Variants in PLD5 observed in about 807,000 individuals in gnomAD.
PLD5 encodes inactive phospholipase D5.
A neutral mutation model predicts 61.1 loss-of-function variants in PLD5; 36 were observed. The ratio of observed to expected loss-of-function variants is 0.59; its 90% confidence interval spans 0.45 to 0.78. The LOEUF (loss-of-function observed/expected upper bound fraction) is 0.78. Ranked by LOEUF, PLD5 falls within the 30% of genes least tolerant of loss-of-function variation. The probability of loss-of-function intolerance (pLI) is 0.00; values close to 1 mark genes in which losing one functional copy is unlikely to be tolerated. For synonymous variants in PLD5, 243 were observed against 242.8 expected, an observed-to-expected ratio of 1.00 and a Z score of -0.01; for missense variants, 515 against 644.4, an observed-to-expected ratio of 0.80 and a Z score of 2.17.
At chr1:242,449,777 C>T (rs572636023) in intron 1 of PLD5, among the ~76,000 whole-genome samples, 1 of 152,314 alleles carries the variant, frequency 6.6e-6, no homozygotes, top group African/African-American at 2.4e-5. Context: ...GGTGTCCACA[C>T]ACCTCCAACC....
At chr1:242,319,867 T>C (rs2149185223) in intron 2 of PLD5, among the ~76,000 whole-genome samples, 1 of 152,384 alleles carries the variant, frequency 6.6e-6, no homozygotes, top group African/African-American at 2.4e-5. Context: ...AAATGTAGAT[T>C]CAGAGAATGC....
intron 1 of PLD5, among the ~76,000 whole-genome samples, chr1:242,506,343 C>A (rs950248609): frequency 6.6e-6 from 1 of 152,188 alleles, no homozygotes; most frequent in African/African-American, 2.4e-5. Context: ...GATACTCTCA[C>A]TTTACTAAGG....
rs868810888 is a variant in PLD5, at chr1:242,438,872, A to C, written c.189+85216T>G. ...TCCTACTTTCAGAGTTTAACCAACA[A>C]TCCCTGTTTAGGAGTCAAAACCTAT... On this transcript the variant is annotated intron_variant, in intron 1 of 9. Transcript: ENST00000536534. Among the ~76,000 whole-genome samples, 3 of 152,286 alleles carry C rather than the reference A, an allele frequency of 2.0e-5. No individual in the cohort carries two copies. The Middle Eastern group carries it at 0.01, about 518-fold the overall frequency.
chr1:242,098,180 G>A (rs1405884941), intron 9 of PLD5, among the ~76,000 whole-genome samples: 6 of 152,076 alleles, frequency 3.9e-5, no homozygotes, highest in African/African-American at 1.2e-4. Context: ...CATTCTCCCC[G>A]TCACTTTCAG....
At chr1:242,130,657 C>T (rs997423565) in intron 5 of PLD5, among the ~76,000 whole-genome samples, 7 of 152,132 alleles carry the variant, frequency 4.6e-5, no homozygotes, top group Admixed American at 4.6e-4. Context: ...TGCCAAGGAT[C>T]AGCCCTCTGC....
intron 1 of PLD5, among the ~76,000 whole-genome samples, chr1:242,439,795 G>C (rs1039228565): frequency 6.6e-6 from 1 of 152,222 alleles, no homozygotes; most frequent in African/African-American, 2.4e-5. Context: ...CAGAATAAGG[G>C]TCACACCTGC....
chr1:242,408,931 G>A (rs1022785398), intron 1 of PLD5, among the ~76,000 whole-genome samples: 7 of 152,134 alleles, frequency 4.6e-5, no homozygotes, highest in South Asian at 2.1e-4. Context: ...GCTAGGCTTT[G>A]TGGCAGGTGC....
At chr1:242,398,888 C>T (rs1284984399) in intron 1 of PLD5, among the ~76,000 whole-genome samples, 2 of 152,134 alleles carry the variant, frequency 1.3e-5, no homozygotes, top group Non-Finnish European at 2.9e-5. Context: ...TCTATACAGT[C>T]ATAGGATATA....
chr1:242,368,236 G>A lies in PLD5; in HGVS notation c.190-19994C>T, dbSNP rs181190294. Among the ~76,000 whole-genome samples the A allele has an allele frequency of 2.5e-3, 380 of 152,154 alleles. 3 individuals are homozygous for A. The highest frequency in any genetic ancestry group is 8.7e-3 in the African/African-American group (362 of 41,518). ...CAAATATTTTCTTTGCCTTGCTCCC[G>A]TATTCACCCTATAAAAGCCTTCTCC... On this transcript the variant is annotated intron_variant, in intron 1 of 9. Transcript: ENST00000536534.
intron 1 of PLD5, among the ~76,000 whole-genome samples, chr1:242,358,262 G>A (rs1272488112): frequency 1.3e-5 from 2 of 152,036 alleles, no homozygotes; most frequent in Admixed American, 1.3e-4. Context: ...GTCCATTGTT[G>A]GAGTTTTGTT....
chr1:242,392,521 G>A (rs974188413), intron 1 of PLD5, among the ~76,000 whole-genome samples: 1 of 152,202 alleles, frequency 6.6e-6, no homozygotes, highest in Non-Finnish European at 1.5e-5. Context: ...AAGCAGCATT[G>A]AGCCAAAGCT....
intron 2 of PLD5, among the ~76,000 whole-genome samples, chr1:242,342,745 A>G (rs1659906834): frequency 1.7e-5 from 1 of 58,468 alleles, no homozygotes; most frequent in South Asian, 5.6e-4. Context: ...ATCCAATACA[A>G]AGAGACAAAA....
At chr1:242,288,317 A>G in intron 3 of PLD5, 45 bp downstream of exon 3, 2 of 1,589,962 alleles carry the variant, frequency 1.3e-6, no homozygotes, top group Non-Finnish European at 1.7e-6. Flanking sequence ...GGAGTGGAAA[A>G]TGCACATAAG....
chr1:242,179,921 AGTGTGTGTGTGTGT>A (rs4039792), intron 5 of PLD5, among the ~76,000 whole-genome samples: 6 of 150,442 alleles, frequency 4.0e-5, no homozygotes, highest in Admixed American at 3.3e-4. Flanking sequence ...ACCAAAATTG[AGTGTGTGTGTGTGT>A]GTGTGTGTGT....
intron 5 of PLD5, among the ~76,000 whole-genome samples, chr1:242,157,676 C>T (rs1473046228): frequency 6.6e-6 from 1 of 152,166 alleles, no homozygotes; most frequent in African/African-American, 2.4e-5. Context: ...TGCAGAACAG[C>T]AAAGATTGCT....
intron 5 of PLD5, among the ~76,000 whole-genome samples, chr1:242,165,068 G>A (rs1666201660): frequency 6.6e-6 from 1 of 152,000 alleles, no homozygotes. Context: ...GGGGGTGAGA[G>A]GTCTCTCTCA....
intron 1 of PLD5, among the ~76,000 whole-genome samples, chr1:242,404,875 A>ATTTTTTTTTTTATTTTTTTTTTTTTTTTT (rs1664140119): frequency 1.3e-5 from 1 of 75,408 alleles, no homozygotes; most frequent in Non-Finnish European, 2.3e-5. Flanking sequence ...TTCCCTGCTA[A>ATTTTTTTTTTTATTTTTTTTTTTTTTTTT]TTTTTTTTTT....
At chr1:242,246,880 C>T (rs1316945286) in intron 4 of PLD5, among the ~76,000 whole-genome samples, 1 of 151,700 alleles carries the variant, frequency 6.6e-6, no homozygotes, top group Non-Finnish European at 1.5e-5. Context: ...GGTGAAATCA[C>T]AGATCAATAC....
At chr1:242,362,276 T>C (rs1194606375) in intron 1 of PLD5, among the ~76,000 whole-genome samples, 2 of 152,174 alleles carry the variant, frequency 1.3e-5, no homozygotes, top group Non-Finnish European at 2.9e-5. Flanking sequence ...GCCATTAAGC[T>C]GTCCAAGGTG....
Sources: gnomAD v4.1 joint callset for allele counts (sites outside exome capture counted in the v4.1 genomes callset) on GRCh38, gnomAD v4.1.1 for gene constraint, MANE v1.5 for transcripts, NCBI Gene and HGNC (gene_info 2026-07-23, HGNC 2026-07-21) for gene names.